Variants in CD6 observed in about 807,000 individuals in gnomAD.
CD6 encodes the protein CD6 molecule.
A neutral mutation model predicts 75.3 loss-of-function variants in CD6; 53 were observed. That is an observed-to-expected ratio of 0.70 (90% CI 0.56 to 0.88). The LOEUF is 0.88. CD6 is among the 40% of genes least tolerant of loss of function. The probability of loss-of-function intolerance (pLI) is 0.00; values close to 1 mark genes in which losing one functional copy is unlikely to be tolerated. For missense variants in CD6, 770 were observed against 897.1 expected, an observed-to-expected ratio of 0.86 and a Z score of 1.81; for synonymous variants, 359 against 381.5, an observed-to-expected ratio of 0.94 and a Z score of 0.69.
chr11:60,986,575 C>A (rs1184550780), intron 1 of CD6, among the ~76,000 whole-genome samples: 1 of 152,214 alleles, frequency 6.6e-6, no homozygotes. Context: ...CAGCCCTAAC[C>A]ATGTCAACAT....
chr11:61,011,836 C>A (rs753826432), intron 6 of CD6, among the ~76,000 whole-genome samples: 5 of 152,190 alleles, frequency 3.3e-5, no homozygotes, highest in Non-Finnish European at 5.9e-5. Context: ...CAACTCGGAA[C>A]CTCTCTGAGC....
At chr11:60,975,449 G>A (rs955748401) in intron 1 of CD6, among the ~76,000 whole-genome samples, 5 of 152,116 alleles carry the variant, frequency 3.3e-5, no homozygotes, top group Non-Finnish European at 7.4e-5. Flanking sequence ...TTGATATGAT[G>A]GGCTAAATGA....
intron 1 of CD6, among the ~76,000 whole-genome samples, chr11:60,997,974 C>T (rs1245312073): frequency 1.3e-5 from 2 of 152,164 alleles, no homozygotes; most frequent in African/African-American, 4.8e-5. Context: ...CAAATGTATG[C>T]TCCTCCCCTG....
intron 12 of CD6, 83 bp downstream of exon 12, chr11:61,018,476 C>A: frequency 1.3e-6 from 1 of 799,516 alleles, no homozygotes; most frequent in Non-Finnish European, 1.9e-6. Flanking sequence ...TGGATGCATT[C>A]GCTCAAGGGG....
intron 1 of CD6, among the ~76,000 whole-genome samples, chr11:60,991,173 G>A (rs1219131619): frequency 2.1e-5 from 2 of 96,010 alleles, no homozygotes; most frequent in South Asian, 3.4e-4. Flanking sequence ...TTTTTGAGAC[G>A]GAGTTTCACT....
chr11:60,975,286 C>T (rs533937858), intron 1 of CD6, among the ~76,000 whole-genome samples: 2 of 152,140 alleles, frequency 1.3e-5, no homozygotes, highest in Non-Finnish European at 1.5e-5. Context: ...CATAGGGTAG[C>T]CCCTACAATC....
In CD6 at chr11:61,013,544, G is replaced by A. The variant is rs1395810569; in HGVS notation, c.1272G>A (p.Leu424=). The A allele has an allele frequency of 6.2e-7, 1 of 1,614,138 alleles. No individual in the cohort carries two copies. The highest frequency in any genetic ancestry group is 8.5e-7 in the Non-Finnish European group (1 of 1,180,030). Residue 424 remains leucine (L), a synonymous_variant, in exon 7 of 13, where the codon TTG becomes TTA. Transcript: ENST00000313421. ...TCATCTTCATAGCCTTCATCCTCTT[G>A]AGAATTAAAGGAAAATATGGTAAGT... ...GSLIFIAFIL[L]RIKGKYALPV...
At chr11:61,000,085 A>T (rs1384018689) in intron 1 of CD6, among the ~76,000 whole-genome samples, 1 of 151,950 alleles carries the variant, frequency 6.6e-6, no homozygotes, top group Non-Finnish European at 1.5e-5. Flanking sequence ...AAATATAAAT[A>T]TAAATATAAA....
chr11:61,009,488 T>G, intron 4 of CD6, 84 bp from the exon 5 acceptor site: 1 of 1,241,146 alleles, frequency 8.1e-7, no homozygotes. Flanking sequence ...GCTGCATTGG[T>G]GCCTGCACTG....
At chr11:61,008,944 C>T in intron 4 of CD6, 99 bp downstream of exon 4, 1 of 1,036,516 alleles carries the variant, frequency 9.6e-7, no homozygotes, top group South Asian at 1.9e-5. Flanking sequence ...GTGGTCCCTG[C>T]CCTTGAGATG....
intron 11 of CD6, 39 bp from the exon 12 acceptor site, chr11:61,018,250 G>A: frequency 6.6e-7 from 1 of 1,504,632 alleles, no homozygotes. Flanking sequence ...AGAAGTGGCT[G>A]TGTGCTGGCA....
intron 6 of CD6, 44 bp downstream of exon 6, chr11:61,011,179 G>GTGTGTT: frequency 1.3e-6 from 1 of 774,882 alleles, no homozygotes; most frequent in Non-Finnish European, 1.9e-6. Context: ...AAGCTTGGAC[G>GTGTGTT]TGTGTGTGTG....
chr11:61,018,518 G>A, intron 12 of CD6, 125 bp downstream of exon 12: 1 of 759,336 alleles, frequency 1.3e-6, no homozygotes, highest in African/African-American at 1.8e-5. Context: ...AAGAAGAGAG[G>A]GAAAGTAACT....
intron 1 of CD6, among the ~76,000 whole-genome samples, chr11:60,973,925 A>C (rs915354252): frequency 2.0e-5 from 3 of 152,106 alleles, no homozygotes; most frequent in Admixed American, 1.3e-4. Context: ...GGCTGATGCA[A>C]GGGACACTGA....
intron 1 of CD6, among the ~76,000 whole-genome samples, chr11:61,000,831 C>T (rs1412239523): frequency 2.0e-5 from 3 of 152,206 alleles, no homozygotes; most frequent in African/African-American, 7.2e-5. Flanking sequence ...CTCCGCAGCC[C>T]GTTCCACTGG....
At chr11:61,013,802 G>A in intron 7 of CD6, 117 bp from the exon 8 acceptor site, 2 of 771,690 alleles carry the variant, frequency 2.6e-6, no homozygotes, top group South Asian at 1.7e-5. Flanking sequence ...GCGCACATGT[G>A]CCTGCAAGTG....
In CD6 at chr11:61,015,833, A is replaced by G; in HGVS notation, c.1508A>G (p.Tyr503Cys). ...CCTCCTGTGGCCCTGACCACCTTCT[A>G]CAGTGAGTGCCTGGCCGGGCTCCCG... ...AQPPVALTTF[Y>C]NSQRHRVTDE... is the part of the protein sequence containing the mutation. The change falls in exon 9 of 13, where the codon TAC (tyrosine) becomes TGC (cysteine). Residue 503 changes from tyrosine to cysteine, a missense_variant and splice_region_variant. By Grantham distance (194) the Tyr-to-Cys change is radical. Transcript: ENST00000313421. 1 of 1,614,068 alleles carries G rather than the reference A, an allele frequency of 6.2e-7. No homozygotes were observed. Among genetic ancestry groups the G allele is most frequent in the Non-Finnish European group, 8.5e-7 (1 of 1,180,002 alleles).
chr11:61,019,149 A>G, intron 12 of CD6, 105 bp from the exon 13 acceptor site: 6 of 758,942 alleles, frequency 7.9e-6, no homozygotes, highest in Non-Finnish European at 1.3e-5. Flanking sequence ...TTCATGCAGC[A>G]TCCCACGGGG....
rs139338052 is a variant in CD6, at chr11:61,014,069, G to A, written c.1387+55G>A. The A allele has an allele frequency of 8.0e-5, 109 of 1,370,940 alleles. 2 individuals are homozygous for A. The Middle Eastern group carries it at 4.0e-3, about 50-fold the overall frequency. 84.9% of individuals were successfully genotyped at this position (1,370,940 alleles called of 1,614,324 possible). A position where few individuals can be genotyped will look rare whatever the true frequency, so the allele number is the denominator to read the frequency against. On this transcript the variant is annotated intron_variant, in intron 8 of 12. Coordinates refer to ENST00000313421, the MANE Select transcript of CD6 (RefSeq NM_006725.5). ...GGGCTGGGGAGGACAAGAAGGGTGA[G>A]CTTTCTGGAAGGTCAGCACCACTTA...
Sources: gnomAD v4.1 joint callset for allele counts (sites outside exome capture counted in the v4.1 genomes callset) on GRCh38, gnomAD v4.1.1 for gene constraint, MANE v1.5 for transcripts, NCBI Gene and HGNC (gene_info 2026-07-23, HGNC 2026-07-21) for gene names.